PTPRG: variants seen among roughly 807,000 people sequenced by gnomAD.
PTPRG encodes the protein protein tyrosine phosphatase receptor type G.
PTPRG carries 102 observed loss-of-function variants against 165.3 expected under a neutral mutation model. That is an observed-to-expected ratio of 0.62 (90% CI 0.53 to 0.73). PTPRG has a LOEUF of 0.73. PTPRG is among the 30% of genes least tolerant of loss of function. The pLI, the probability that PTPRG is intolerant of heterozygous loss-of-function variation, is 0.00. For synonymous variants in PTPRG, 675 were observed against 669.5 expected, an observed-to-expected ratio of 1.01 and a Z score of -0.13; for missense variants, 1,866 against 1,861.4, an observed-to-expected ratio of 1.00 and a Z score of -0.05.
intron 21 of PTPRG, 78 bp from the exon 22 acceptor site, chr3:62,272,868 T>A: frequency 7.2e-7 from 1 of 1,385,438 alleles, no homozygotes; most frequent in South Asian, 1.7e-5. Context: ...AAATGGGGTT[T>A]AGATTGGAAT....
At chr3:62,090,248 G>T (rs577870389) in intron 5 of PTPRG, among the ~76,000 whole-genome samples, 1 of 152,078 alleles carries the variant, frequency 6.6e-6, no homozygotes, top group Non-Finnish European at 1.5e-5. Flanking sequence ...TGGTAGCTTG[G>T]CATCCCTGAA....
chr3:62,007,415 A>C lies in PTPRG; in HGVS notation c.519+3918A>C, dbSNP rs369075550. Among the ~76,000 whole-genome samples the C allele has an allele frequency of 2.0e-5, 3 of 152,372 alleles. 1 individual carries two copies. Among genetic ancestry groups the C allele is most frequent in the African/African-American group, 7.2e-5 (3 of 41,590 alleles). On this transcript the variant is annotated intron_variant, in intron 4 of 29. Coordinates refer to ENST00000474889, the MANE Select transcript of PTPRG (RefSeq NM_002841.4). Reference sequence around the variant, plus strand: ...ACAAGACGAAAGCTCTTCAATAACCAGTGTTCTTTACAGCTCAGTTAAAGT... The same window carrying C: ...ACAAGACGAAAGCTCTTCAATAACCCGTGTTCTTTACAGCTCAGTTAAAGT...
At chr3:61,628,054 GGACA>G (rs1215352267) in intron 1 of PTPRG, among the ~76,000 whole-genome samples, 1 of 152,182 alleles carries the variant, frequency 6.6e-6, no homozygotes, top group Non-Finnish European at 1.5e-5. Flanking sequence ...CAGGATTTAT[GGACA>G]GACAGATATA....
intron 8 of PTPRG, among the ~76,000 whole-genome samples, chr3:62,177,156 C>T (rs1222613346): frequency 6.6e-6 from 1 of 151,890 alleles, no homozygotes; most frequent in Non-Finnish European, 1.5e-5. Context: ...TGGTAGCACA[C>T]ACCTGTAGTC....
At chr3:62,117,321 C>G (rs973195354) in intron 5 of PTPRG, among the ~76,000 whole-genome samples, 1 of 152,184 alleles carries the variant, frequency 6.6e-6, no homozygotes, top group Non-Finnish European at 1.5e-5. Flanking sequence ...GTTCTACCAA[C>G]AGAATCATTG....
chr3:62,206,787 G>T (rs2106849758), intron 12 of PTPRG, among the ~76,000 whole-genome samples: 1 of 151,882 alleles, frequency 6.6e-6, no homozygotes, highest in Middle Eastern at 3.4e-3. Flanking sequence ...ACAACAATTA[G>T]CAGGGCACAG....
intron 1 of PTPRG, among the ~76,000 whole-genome samples, chr3:61,610,895 C>T (rs1377770791): frequency 6.6e-6 from 1 of 152,020 alleles, no homozygotes; most frequent in Non-Finnish European, 1.5e-5. Context: ...CACTGTCTAC[C>T]TTCTGGGTTC....
At chr3:61,573,074 C>T (rs1700095141) in intron 1 of PTPRG, among the ~76,000 whole-genome samples, 1 of 152,234 alleles carries the variant, frequency 6.6e-6, no homozygotes, top group African/African-American at 2.4e-5. Flanking sequence ...CGTTTTCTGG[C>T]TCTACAAATG....
At chr3:62,206,028 C>G (rs1379950949) in intron 12 of PTPRG, among the ~76,000 whole-genome samples, 1 of 152,174 alleles carries the variant, frequency 6.6e-6, no homozygotes, top group Non-Finnish European at 1.5e-5. Context: ...TGTTCAGCCT[C>G]TGGACTATGG....
chr3:61,969,891 GTAGAA>G (rs1233208350), intron 2 of PTPRG, among the ~76,000 whole-genome samples: 1 of 152,124 alleles, frequency 6.6e-6, no homozygotes, highest in Non-Finnish European at 1.5e-5. Flanking sequence ...AATCACACTG[GTAGAA>G]TAGATTAATT....
At chr3:61,940,649 TTTTATTTA>T (rs113689837) in intron 2 of PTPRG, among the ~76,000 whole-genome samples, 13 of 140,548 alleles carry the variant, frequency 9.2e-5, no homozygotes, top group Non-Finnish European at 1.9e-4. Context: ...CAGTAGATGC[TTTTATTTA>T]TTTATTTATT....
intron 5 of PTPRG, among the ~76,000 whole-genome samples, chr3:62,129,789 GA>G (rs1490408410): frequency 6.6e-6 from 1 of 152,084 alleles, no homozygotes; most frequent in Non-Finnish European, 1.5e-5. Context: ...TCTCATTCAG[GA>G]TCCAAGATCA....
intron 3 of PTPRG, among the ~76,000 whole-genome samples, chr3:62,000,281 CAAAAAAA>C (rs5849454): frequency 9.7e-6 from 1 of 102,592 alleles, no homozygotes; most frequent in African/African-American, 3.4e-5. Flanking sequence ...ACTCTGTCTC[CAAAAAAA>C]AAAAAAAAAA....
intron 4 of PTPRG, among the ~76,000 whole-genome samples, chr3:62,071,456 T>A (rs937246745): frequency 6.6e-6 from 1 of 152,166 alleles, no homozygotes; most frequent in African/African-American, 2.4e-5. Context: ...CTCCTGCCCA[T>A]TGCCTGTATA....
chr3:62,196,588 C>T (rs1049626189), intron 10 of PTPRG, among the ~76,000 whole-genome samples: 8 of 152,008 alleles, frequency 5.3e-5, no homozygotes, highest in East Asian at 1.9e-4. Context: ...AGCCACGGGC[C>T]GTAGTTTGGT....
chr3:61,674,516 A>G (rs1005203513), intron 1 of PTPRG, among the ~76,000 whole-genome samples: 2 of 143,086 alleles, frequency 1.4e-5, no homozygotes, highest in African/African-American at 5.0e-5. Flanking sequence ...AAAAAGCCAT[A>G]TTAGTACTCT....
intron 1 of PTPRG, among the ~76,000 whole-genome samples, chr3:61,575,479 CT>C (rs992383328): frequency 3.3e-5 from 5 of 151,740 alleles, no homozygotes; most frequent in Non-Finnish European, 7.4e-5. Context: ...AGTTACTTAA[CT>C]TTATTGGTTT....
intron 6 of PTPRG, among the ~76,000 whole-genome samples, chr3:62,153,213 A>G (rs1165464193): frequency 6.6e-6 from 1 of 152,184 alleles, no homozygotes; most frequent in East Asian, 1.9e-4. Context: ...ACCCAAAATG[A>G]GCCAGCCTGT....
chr3:62,276,257 C>T (rs532540143), intron 24 of PTPRG, among the ~76,000 whole-genome samples: 22 of 152,182 alleles, frequency 1.4e-4, no homozygotes, highest in African/African-American at 4.1e-4. Flanking sequence ...ATCTATCTGA[C>T]GTAGAATACA....
Sources: allele counts gnomAD v4.1 joint callset (sites outside exome capture counted in the v4.1 genomes callset), GRCh38; gene constraint gnomAD v4.1.1; transcripts MANE v1.5; gene names NCBI Gene and HGNC (gene_info 2026-07-23, HGNC 2026-07-21).